ADAMTS2: variants seen among roughly 807,000 people sequenced by gnomAD.
ADAMTS2 encodes the protein ADAM metallopeptidase with thrombospondin type 1 motif 2.
Under a neutral mutation model 123.0 loss-of-function variants are expected in ADAMTS2, and 50 were observed. The observed-to-expected ratio is 0.41, with a 90% CI of 0.32 to 0.51. The LOEUF (loss-of-function observed/expected upper bound fraction) is 0.51. ADAMTS2 is among the 20% of genes least tolerant of loss of function. The pLI is 0.35. For missense variants in ADAMTS2, 1,494 were observed against 1,705.2 expected, an observed-to-expected ratio of 0.88 and a Z score of 2.18; for synonymous variants, 678 against 695.4, an observed-to-expected ratio of 0.98 and a Z score of 0.39.
chr5:179,313,159 C>T (rs1477749981), intron 2 of ADAMTS2, among the ~76,000 whole-genome samples: 1 of 152,250 alleles, frequency 6.6e-6, no homozygotes, highest in African/African-American at 2.4e-5. Flanking sequence ...ACCGGGGCTC[C>T]CTCCTCAGGA....
chr5:179,145,466 C>G (rs1031106817), intron 10 of ADAMTS2, among the ~76,000 whole-genome samples: 2 of 152,118 alleles, frequency 1.3e-5, no homozygotes, highest in Non-Finnish European at 2.9e-5. Flanking sequence ...GGAAACAACC[C>G]AAATGTCCAT....
chr5:179,154,535 C>T (rs763268097), intron 7 of ADAMTS2, among the ~76,000 whole-genome samples: 8 of 152,236 alleles, frequency 5.3e-5, no homozygotes, highest in Non-Finnish European at 1.2e-4. Flanking sequence ...GCCCACCCTG[C>T]CTGGGGGCTT....
At chr5:179,227,005 C>T (rs533693748) in intron 3 of ADAMTS2, among the ~76,000 whole-genome samples, 6 of 152,262 alleles carry the variant, frequency 3.9e-5, no homozygotes, top group South Asian at 2.1e-4. Flanking sequence ...GGGTAGCACA[C>T]GGTGTAGTCT....
Position 179,345,300 on chromosome 5 carries a change from C to A in ADAMTS2, c.29G>T (p.Arg10Leu). 3.5e-6 allele frequency: 4 copies of A among 1,138,052 alleles called. No individual in the cohort carries two copies. Among genetic ancestry groups the A allele is most frequent in the Non-Finnish European group, 4.3e-6 (4 of 929,250 alleles). The allele number at this position is 1,138,052 out of a possible 1,614,324, so 70.5% of individuals were successfully genotyped here. MDPPAGAAR[R>L]LLCPALLLLL... ...CAGCAGCAGCGCGGGGCAGAGCAGG[C>A]GGCGAGCGGCTCCCGCCGGCGGATC... The change falls in exon 1 of 22, where the codon CGC becomes CTC. Residue 10 changes from arginine to leucine, a missense_variant. Physicochemically the swap from Arg to Leu is moderately radical, Grantham distance 102. Around this residue, in one of 6 missense-constraint regions of ADAMTS2, gnomAD observed 237 missense variants for 233.7 expected, o/e 1.01. Coordinates refer to ENST00000251582, the MANE Select transcript of ADAMTS2 (RefSeq NM_014244.5). This position sits in a 1 kb window ranked among gnomAD's most constrained non-coding sequence, Gnocchi z 7.5.
At chr5:179,200,492 G>A (rs894912551) in intron 4 of ADAMTS2, among the ~76,000 whole-genome samples, 45 of 151,948 alleles carry the variant, frequency 3.0e-4, no homozygotes, top group Admixed American at 1.6e-3. Context: ...CAAGTGATCC[G>A]CCCGCCTTGG....
At chr5:179,192,853 G>A (rs893895009) in intron 4 of ADAMTS2, among the ~76,000 whole-genome samples, 1 of 152,134 alleles carries the variant, frequency 6.6e-6, no homozygotes, top group Non-Finnish European at 1.5e-5. Context: ...CTGTCTGTCC[G>A]TCTCCACTAG....
intron 3 of ADAMTS2, among the ~76,000 whole-genome samples, chr5:179,246,592 G>T (rs1178337794): frequency 6.6e-6 from 1 of 152,172 alleles, no homozygotes; most frequent in Non-Finnish European, 1.5e-5. Flanking sequence ...CTCAGAAAAG[G>T]TCTAAGAAGA....
chr5:179,169,465 T>C (rs1312334056), intron 5 of ADAMTS2, among the ~76,000 whole-genome samples: 3 of 152,204 alleles, frequency 2.0e-5, no homozygotes, highest in African/African-American at 7.2e-5. Context: ...GCCTCCTAGT[T>C]CTCTGGACCC....
intron 3 of ADAMTS2, among the ~76,000 whole-genome samples, chr5:179,208,157 C>T (rs1388625466): frequency 2.0e-5 from 3 of 150,982 alleles, no homozygotes; most frequent in African/African-American, 7.3e-5. Context: ...CTTGCCCACA[C>T]TGCCCGATGC....
intron 3 of ADAMTS2, among the ~76,000 whole-genome samples, chr5:179,215,852 T>C (rs1243296342): frequency 2.0e-5 from 3 of 152,140 alleles, no homozygotes; most frequent in Admixed American, 6.5e-5. Context: ...AAAAGCAGCA[T>C]TCGATGCAGG....
intron 3 of ADAMTS2, among the ~76,000 whole-genome samples, chr5:179,219,124 T>C (rs1265939808): frequency 6.6e-6 from 1 of 152,184 alleles, no homozygotes; most frequent in Non-Finnish European, 1.5e-5. Flanking sequence ...TGGAACCTGA[T>C]GCTGTGTGTT....
At chr5:179,336,354 G>A (rs950134501) in intron 2 of ADAMTS2, among the ~76,000 whole-genome samples, 7 of 152,244 alleles carry the variant, frequency 4.6e-5, no homozygotes, top group Non-Finnish European at 8.8e-5. Context: ...AGGAAGGACC[G>A]CTACTTCGTA....
rs192693656 is a variant in ADAMTS2, at chr5:179,200,935, C to T, written c.891+6578G>A. On this transcript the variant is annotated intron_variant, in intron 4 of 21. Transcript: ENST00000251582. ...CAGATGAATAAAACACCCCCAAATCCCAGCAGAATCAAGGGCATGAATAGG... is the reference window on the plus strand; with the variant it reads ...CAGATGAATAAAACACCCCCAAATCTCAGCAGAATCAAGGGCATGAATAGG... Among the ~76,000 whole-genome samples the T allele has an allele frequency of 4.7e-4, 71 of 152,258 alleles. 1 individual carries two copies. In the East Asian group the frequency reaches 0.011, roughly 24 times the overall value.
intron 2 of ADAMTS2, among the ~76,000 whole-genome samples, chr5:179,318,406 GAGA>G (rs1757061284): frequency 1.3e-5 from 2 of 152,138 alleles, no homozygotes; most frequent in Non-Finnish European, 2.9e-5. Flanking sequence ...GGGATGGGGA[GAGA>G]AGGAGATGCC....
intron 2 of ADAMTS2, among the ~76,000 whole-genome samples, chr5:179,342,776 G>A (rs1296719877): frequency 6.6e-6 from 1 of 152,222 alleles, no homozygotes; most frequent in Non-Finnish European, 1.5e-5. Context: ...TCTGCTGTGT[G>A]CCAGGCCCCG....
In ADAMTS2 at chr5:179,307,071, G is replaced by A. The variant is rs961835815; in HGVS notation, c.535-34007C>T. 1.3e-5 allele frequency among the ~76,000 whole-genome samples: 2 copies of A among 152,104 alleles called. No homozygotes were observed. Among genetic ancestry groups the A allele is most frequent in the African/African-American group, 4.8e-5 (2 of 41,424 alleles). ...GAGGTGAGGCCAGCACGTAGTAGAG[G>A]GGCAGCCGAGTAAGAAGAACCTCTC... On this transcript the variant is annotated intron_variant, in intron 2 of 21. Transcript: ENST00000251582. This position sits in a 1 kb window ranked among gnomAD's most constrained non-coding sequence, Gnocchi z 5.6.
At chr5:179,249,248 A>C (rs1261417296) in intron 3 of ADAMTS2, among the ~76,000 whole-genome samples, 1 of 152,124 alleles carries the variant, frequency 6.6e-6, no homozygotes, top group African/African-American at 2.4e-5. Context: ...AAGGACATAC[A>C]AAAGCAGTGC....
chr5:179,207,602 T>C lies in ADAMTS2; in HGVS notation c.802A>G (p.Ile268Val). Residue 268 changes from isoleucine (I) to valine (V), a missense_variant, in exon 4 of 22, where the codon ATC (isoleucine) becomes GTC (valine). Physicochemically the swap from Ile to Val is conservative, Grantham distance 29 (BLOSUM62 3). This residue lies in a region of ADAMTS2 where 184 missense variants were observed against 152.1 expected (regional missense o/e 1.21). Transcript: ENST00000251582. ...RRHAADDDYN[I>V]EVLLGVDDSV... ...TCATCCACGCCCAGCAGGACCTCGATGTTGTAGTCATCGTCCGCAGCATGC... is the reference window on the plus strand; with the variant it reads ...TCATCCACGCCCAGCAGGACCTCGACGTTGTAGTCATCGTCCGCAGCATGC... 6.2e-7 allele frequency: 1 copy of C among 1,613,762 alleles called. No individual in the cohort carries two copies. The highest frequency in any genetic ancestry group is 8.5e-7 in the Non-Finnish European group (1 of 1,180,006).
At chr5:179,207,473 C>CCG in intron 4 of ADAMTS2, 40 bp downstream of exon 4, 1 of 938,200 alleles carries the variant, frequency 1.1e-6, no homozygotes, top group Non-Finnish European at 1.7e-6. Context: ...CCTGGTTGAC[C>CCG]CTCCCCGCCC....
Sources: gnomAD v4.1 joint callset for allele counts (sites outside exome capture counted in the v4.1 genomes callset) on GRCh38, gnomAD v4.1.1 for gene constraint, gnomAD v4.1.1 regional missense constraint, Gnocchi (gnomAD v3.1) non-coding constraint, MANE v1.5 for transcripts, NCBI Gene and HGNC (gene_info 2026-07-23, HGNC 2026-07-21) for gene names.